The following RPS6KA5 variants were observed in gnomAD, a reference collection of about 807,000 sequenced individuals.
The protein encoded by RPS6KA5 is ribosomal protein S6 kinase alpha-5.
Under a neutral mutation model 85.5 loss-of-function variants are expected in RPS6KA5, and 27 were observed. The ratio of observed to expected loss-of-function variants is 0.32; its 90% CI spans 0.23 to 0.44. The LOEUF (loss-of-function observed/expected upper bound fraction) is 0.44. Ranked by LOEUF, RPS6KA5 falls within the 20% of genes least tolerant of loss-of-function variation. RPS6KA5 has a pLI of 1.00. For synonymous variants in RPS6KA5, 334 were observed against 348.2 expected, an observed-to-expected ratio of 0.96 and a Z score of 0.46; for missense variants, 811 against 980.9, an observed-to-expected ratio of 0.83 and a Z score of 2.31.
chr14:90,907,078 C>A (rs2035546874), intron 7 of RPS6KA5, among the ~76,000 whole-genome samples: 1 of 152,186 alleles, frequency 6.6e-6, no homozygotes, highest in Non-Finnish European at 1.5e-5. Flanking sequence ...GTGTACCTTT[C>A]TCCCTCTTAA....
Position 91,022,104 on chromosome 14 carries a change from T to C in RPS6KA5, c.104-20945A>G, listed in dbSNP as rs77149165. 4.3e-3 allele frequency among the ~76,000 whole-genome samples: 648 copies of C among 152,378 alleles called. 4 individuals carry two copies. Among genetic ancestry groups the C allele is most frequent in the African/African-American group, 0.014 (598 of 41,588 alleles). On this transcript the variant is annotated intron_variant, in intron 1 of 16. Transcript: ENST00000614987. ...TACATGAACTTATATTGTATACATA[T>C]GTGGTATGCGTGTTTCATAATATTA...
chr14:90,997,220 C>T (rs2040565423), intron 2 of RPS6KA5, among the ~76,000 whole-genome samples: 1 of 152,138 alleles, frequency 6.6e-6, no homozygotes, highest in African/African-American at 2.4e-5. Context: ...ATCATTCTCA[C>T]TTCAAAGATT....
chr14:90,902,183 TAA>T (rs997092786), intron 9 of RPS6KA5, among the ~76,000 whole-genome samples: 33 of 141,982 alleles, frequency 2.3e-4, no homozygotes, highest in African/African-American at 6.5e-4. Context: ...CCTTGTTTCT[TAA>T]AAAAAAAAAA....
In RPS6KA5 at chr14:90,865,632, T is replaced by G. The variant is rs1320512817; in HGVS notation, c.*6442A>C. ...CATTTTAAACAATATGATCACTATC[T>G]ATATGTAGTTTTAGTGCTCCATTTG... On this transcript the variant is annotated 3_prime_UTR_variant, in exon 17 of 17. Transcript: ENST00000614987. 1 of 152,254 alleles carries G rather than the reference T, an allele frequency of 6.6e-6. No individual in the cohort carries two copies. Among genetic ancestry groups the G allele is most frequent in the African/African-American group, 2.4e-5 (1 of 41,468 alleles). 9.4% of individuals were successfully genotyped at this position (152,254 alleles called of 1,614,324 possible). A position where few individuals can be genotyped will look rare whatever the true frequency, so the allele number is the denominator to read the frequency against.
chr14:90,948,465 G>A (rs746285302), intron 3 of RPS6KA5, among the ~76,000 whole-genome samples: 5 of 152,162 alleles, frequency 3.3e-5, no homozygotes, highest in Non-Finnish European at 7.3e-5. Flanking sequence ...GGGAGGCCGA[G>A]GCAGGCGGAT....
At chr14:91,026,633 T>G (rs553711025) in intron 1 of RPS6KA5, among the ~76,000 whole-genome samples, 1 of 152,342 alleles carries the variant, frequency 6.6e-6, no homozygotes, top group African/African-American at 2.4e-5. Context: ...AGTGCATGTG[T>G]CTATTGTGAT....
intron 3 of RPS6KA5, among the ~76,000 whole-genome samples, chr14:90,964,078 A>C (rs750875728): frequency 1.3e-5 from 2 of 152,198 alleles, no homozygotes; most frequent in Non-Finnish European, 2.9e-5. Flanking sequence ...ATCAAATATT[A>C]ATGTAAAAAA....
chr14:90,870,523 A>T lies in RPS6KA5; in HGVS notation c.*1551T>A, dbSNP rs1267124349. The T allele has an allele frequency of 6.6e-6, 1 of 152,166 alleles. No individual in the cohort carries two copies. Among genetic ancestry groups the T allele is most frequent in the Non-Finnish European group, 1.5e-5 (1 of 68,002 alleles). 9.4% of individuals were successfully genotyped at this position (152,166 alleles called of 1,614,324 possible). A position where few individuals can be genotyped will look rare whatever the true frequency, so the allele number is the denominator to read the frequency against. ...CTATTAATATATACATTGATTTAGT[A>T]ATAAATATACTACTATTACATAGAG... On this transcript the variant is annotated 3_prime_UTR_variant, in exon 17 of 17. Coordinates refer to ENST00000614987, the MANE Select transcript of RPS6KA5 (RefSeq NM_004755.4).
rs981497970 is a variant in RPS6KA5 at position 90,861,209 on chromosome 14, ATAG to A, written c.*10862_*10864del. ...TGCCCAGCCAGAGTCTTTAAAATAT[ATAG>A]TAGTAGTACTACTAATAAAAATAAT... On this transcript the variant is annotated 3_prime_UTR_variant, in exon 17 of 17. Coordinates refer to ENST00000614987, the MANE Select transcript of RPS6KA5 (RefSeq NM_004755.4). 1.3e-5 allele frequency: 2 copies of A among 150,918 alleles called. No individual in the cohort carries two copies. The allele number at this position is 150,918 out of a possible 1,614,324, so 9.3% of individuals were successfully genotyped here.
intron 2 of RPS6KA5, among the ~76,000 whole-genome samples, chr14:90,996,560 T>C (rs1833754887): frequency 6.6e-6 from 1 of 152,158 alleles, no homozygotes; most frequent in African/African-American, 2.4e-5. Context: ...ATCTCAGAGA[T>C]AACGTTTTCT....
intron 1 of RPS6KA5, among the ~76,000 whole-genome samples, chr14:91,036,506 A>T (rs976103388): frequency 6.6e-6 from 1 of 152,208 alleles, no homozygotes; most frequent in African/African-American, 2.4e-5. Flanking sequence ...CATGCACACA[A>T]ATAACAAATG....
Position 90,892,297 on chromosome 14 carries a change from C to A in RPS6KA5, c.1645-1619G>T, listed in dbSNP as rs116190954. Among the ~76,000 whole-genome samples the A allele has an allele frequency of 2.6e-3, 396 of 152,252 alleles. 1 individual carries two copies. Among genetic ancestry groups the A allele is most frequent in the African/African-American group, 9.3e-3 (388 of 41,534 alleles). The stretch of plus-strand genomic sequence containing the variant: ...GATTACAGGTGTGAGCCACTGCGCT[C>A]GGCCAGTTTCACTTCTTAAAGCAGA... On this transcript the variant is annotated intron_variant, in intron 13 of 16. Coordinates refer to ENST00000614987, the MANE Select transcript of RPS6KA5 (RefSeq NM_004755.4).
At chr14:90,920,442 G>A (rs892327018) in intron 6 of RPS6KA5, 133 bp from the exon 7 acceptor site, 18 of 631,658 alleles carry the variant, frequency 2.8e-5, no homozygotes, top group Non-Finnish European at 4.2e-5. Context: ...TCTATGTAAG[G>A]AGTATTAAAT....
chr14:90,931,937 T>C (rs373885836), intron 5 of RPS6KA5, among the ~76,000 whole-genome samples: 5 of 152,340 alleles, frequency 3.3e-5, no homozygotes, highest in Admixed American at 1.3e-4. Flanking sequence ...ATGTCATGTA[T>C]GTACATTTAA....
At chr14:91,030,152 G>A (rs1438360680) in intron 1 of RPS6KA5, among the ~76,000 whole-genome samples, 1 of 152,118 alleles carries the variant, frequency 6.6e-6, no homozygotes, top group East Asian at 1.9e-4. Context: ...GGACTGGGGA[G>A]GGCAAGATAA....
At chr14:90,992,459 G>A (rs1207462522) in intron 2 of RPS6KA5, among the ~76,000 whole-genome samples, 2 of 152,226 alleles carry the variant, frequency 1.3e-5, no homozygotes, top group African/African-American at 4.8e-5. Flanking sequence ...CAGTGCAGAT[G>A]TATAATAGAT....
In RPS6KA5 at chr14:90,850,716, A is replaced by G. The variant is rs1288307249; in HGVS notation, c.*21358T>C. 1 of 152,280 alleles carries G rather than the reference A, an allele frequency of 6.6e-6. No individual in the cohort carries two copies. The highest frequency in any genetic ancestry group is 1.9e-4 in the East Asian group (1 of 5,200). The allele number at this position is 152,280 out of a possible 1,614,324, so 9.4% of individuals were successfully genotyped here. ...CACCAGGAAGGAATCTGCTTCCGGC[A>G]GGAAATTGCACTGGGTGAGCTCTAA... On this transcript the variant is annotated 3_prime_UTR_variant, in exon 17 of 17. Coordinates refer to ENST00000614987, the MANE Select transcript of RPS6KA5 (RefSeq NM_004755.4).
chr14:91,046,680 C>T (rs28624315), intron 1 of RPS6KA5, among the ~76,000 whole-genome samples: 4,129 of 152,102 alleles, frequency 0.027, 134 homozygotes, highest in African/African-American at 0.085. Flanking sequence ...TATAGAAAAC[C>T]GCATCGTACA....
chr14:91,024,818 G>A (rs1402800654), intron 1 of RPS6KA5, among the ~76,000 whole-genome samples: 2 of 152,138 alleles, frequency 1.3e-5, no homozygotes, highest in Non-Finnish European at 2.9e-5. Flanking sequence ...TTCTGAGAAT[G>A]ATTTCTGTAT....
Sources: gnomAD v4.1 joint callset for allele counts (sites outside exome capture counted in the v4.1 genomes callset) on GRCh38, gnomAD v4.1.1 for gene constraint, MANE v1.5 for transcripts, NCBI Gene and HGNC (gene_info 2026-07-23, HGNC 2026-07-21) for gene names.